DNASE1: variants seen among roughly 807,000 people sequenced by gnomAD.
DNASE1 encodes deoxyribonuclease 1.
DNASE1 carries 40 observed loss-of-function variants against 33.9 expected under a neutral mutation model. The ratio of observed to expected loss-of-function variants is 1.18; its 90% CI spans 0.92 to 1.54. The LOEUF is 1.54. DNASE1 is among the 40% of genes most tolerant of loss of function. The probability of loss-of-function intolerance (pLI) is 0.00; values close to 1 mark genes in which losing one functional copy is unlikely to be tolerated. For missense variants in DNASE1, 518 were observed against 372.6 expected, an observed-to-expected ratio of 1.39 and a Z score of -3.21; for synonymous variants, 216 against 160.0, an observed-to-expected ratio of 1.35 and a Z score of -2.64.
At chr16:3,663,448 C>T (rs2050737739) in exon 10 of DNASE1, 2 of 1,613,432 alleles carry the variant, frequency 1.2e-6, no homozygotes, top group African/African-American at 2.7e-5. Context: ...TCAAACTTCT[C>T]CTCCTTGTAG....
intron 1 of DNASE1, among the ~76,000 whole-genome samples, chr16:3,626,674 G>C (rs759724800): frequency 1.3e-5 from 2 of 152,166 alleles, no homozygotes; most frequent in Non-Finnish European, 2.9e-5. Context: ...TCAGGTTGCT[G>C]ATTTTCTGTC....
At chr16:3,664,139 C>G in exon 10 of DNASE1, 1 of 927,726 alleles carries the variant, frequency 1.1e-6, no homozygotes, top group Non-Finnish European at 1.5e-6. Context: ...GGTCCGGCCT[C>G]TGTGCCCGTG....
chr16:3,633,835 G>A (rs1333297798), intron 1 of DNASE1, among the ~76,000 whole-genome samples: 3 of 151,992 alleles, frequency 2.0e-5, no homozygotes, highest in Non-Finnish European at 4.4e-5. Flanking sequence ...TTAAGACCGA[G>A]TCTCGCTCTG....
At chr16:3,661,807 G>T, downstream of DNASE1, 1 of 707,982 alleles carries the variant, frequency 1.4e-6, no homozygotes, top group Non-Finnish European at 2.1e-6. Context: ...GATGGTAAGG[G>T]GCTGGCCAGG....
At position 3,613,908 on chromosome 16, in the gene DNASE1, A is replaced by ATTTTTTTTTTTTT. The variant is rs200976238; in HGVS notation, c.-1359+1913_-1359+1925dup. ...AGGCGCCCGCAACCGCGCCTGGCTA[A>ATTTTTTTTTTTTT]TTTTTTTTTTTTTTTTTTTTTTTGG... On this transcript the variant is annotated intron_variant and NMD_transcript_variant, in intron 1 of 11. Coordinates refer to the DNASE1 transcript ENST00000570769. Among the ~76,000 whole-genome samples the ATTTTTTTTTTTTT allele has an allele frequency of 2.0e-4, 23 of 113,146 alleles. 1 individual carries two copies. Among genetic ancestry groups the ATTTTTTTTTTTTT allele is most frequent in the African/African-American group, 8.6e-4 (23 of 26,752 alleles). 74.2% of individuals were successfully genotyped at this position (113,146 alleles called of 152,430 possible).
chr16:3,625,026 G>A (rs781005304), intron 1 of DNASE1, among the ~76,000 whole-genome samples: 1 of 152,254 alleles, frequency 6.6e-6, no homozygotes, highest in African/African-American at 2.4e-5. Context: ...CTTAATGGGG[G>A]CCGGGGGCAG....
rs116622592 is a variant in DNASE1 at position 3,616,302 on chromosome 16, G to T, written c.-1359+4296G>T. 4.7e-3 allele frequency among the ~76,000 whole-genome samples: 721 copies of T among 152,274 alleles called. 6 individuals carry two copies. Among genetic ancestry groups the T allele is most frequent in the African/African-American group, 0.016 (664 of 41,546 alleles). ...CCAACAACGTTTTAATTTTTTTGCA[G>T]AAGTGGAAAAACCGATGTTAAAATT... is the stretch of plus-strand genomic sequence containing the variant. On this transcript the variant is annotated intron_variant and NMD_transcript_variant, in intron 1 of 11. Transcript: ENST00000570769.
At chr16:3,636,557 C>G (rs1255873223) in intron 1 of DNASE1, among the ~76,000 whole-genome samples, 1 of 152,146 alleles carries the variant, frequency 6.6e-6, no homozygotes, top group Non-Finnish European at 1.5e-5. Context: ...CATGGTGGCT[C>G]ACGCCTGTAA....
At chr16:3,620,002 G>A (rs559646123) in intron 1 of DNASE1, among the ~76,000 whole-genome samples, 2 of 146,072 alleles carry the variant, frequency 1.4e-5, no homozygotes, top group Admixed American at 7.0e-5. Context: ...TGCAACCCCC[G>A]CCTCCGGGGT....
chr16:3,658,299 C>T, downstream of DNASE1: 2 of 1,249,812 alleles, frequency 1.6e-6, no homozygotes, highest in Admixed American at 3.8e-5. Context: ...TTTTTTGAGA[C>T]AGAGTCTCAC....
Position 3,654,791 on chromosome 16 carries a change from C to T in DNASE1, c.-255C>T, listed in dbSNP as rs988050856. ...ACACAGAGCCATTGTTTTCTGCACT[C>T]TCAGGTGACGGCTCACATTTGCCCC... On this transcript the variant is annotated 5_prime_UTR_variant, in exon 1 of 9. Coordinates refer to ENST00000246949, the MANE Select transcript of DNASE1 (RefSeq NM_005223.4). 2 of 401,680 alleles carry T rather than the reference C, an allele frequency of 5.0e-6. No homozygotes were observed. The highest frequency in any genetic ancestry group is 3.6e-5 in the East Asian group (1 of 28,144). The allele number at this position is 401,680 out of a possible 1,614,324, so 24.9% of individuals were successfully genotyped here. A position where few individuals can be genotyped will look rare whatever the true frequency, so the allele number is the denominator to read the frequency against.
chr16:3,663,273 C>T (rs1301590113), exon 10 of DNASE1: 5 of 1,008,148 alleles, frequency 5.0e-6, no homozygotes, highest in Non-Finnish European at 7.1e-6. Context: ...CACCTTCCTC[C>T]AGTCACCAGG....
chr16:3,629,272 TTA>T (rs1048466401), intron 1 of DNASE1, among the ~76,000 whole-genome samples: 1 of 152,098 alleles, frequency 6.6e-6, no homozygotes, highest in Non-Finnish European at 1.5e-5. Context: ...CCTTGTACGT[TTA>T]GTTTGTTGAA....
rs576436955 is a variant in DNASE1, at chr16:3,645,175, C to T, written c.-86+2139C>T. Among the ~76,000 whole-genome samples the T allele has an allele frequency of 2.6e-5, 4 of 152,246 alleles. No homozygotes were observed. In the East Asian group the frequency reaches 5.8e-4, roughly 22 times the overall value. The stretch of plus-strand genomic sequence containing the variant: ...AAAGTAAAAAGAAAATCCCTTGCAA[C>T]TACCACCACAACCAGCCCACTTTAC... On this transcript the variant is annotated intron_variant, in intron 1 of 9. Transcript: ENST00000407479.
At chr16:3,659,831 C>T (rs1207467524), downstream of DNASE1, 3 of 152,104 alleles carry the variant, frequency 2.0e-5, no homozygotes, top group Non-Finnish European at 4.4e-5. Context: ...TCTTGGCTCA[C>T]CGCAGCCTCC....
chr16:3,659,296 G>C (rs375467428), downstream of DNASE1: 4 of 161,606 alleles, frequency 2.5e-5, no homozygotes, highest in African/African-American at 9.6e-5. Flanking sequence ...TGTCTGATGA[G>C]GACAGTATTT....
chr16:3,631,384 T>C (rs1870669848), intron 1 of DNASE1, among the ~76,000 whole-genome samples: 1 of 152,026 alleles, frequency 6.6e-6, no homozygotes, highest in African/African-American at 2.4e-5. Flanking sequence ...TTTGTATTTT[T>C]AGTAGAGAAA....
chr16:3,649,777 C>T (rs1437740113), upstream of DNASE1, among the ~76,000 whole-genome samples: 2 of 152,064 alleles, frequency 1.3e-5, no homozygotes, highest in Non-Finnish European at 2.9e-5. Flanking sequence ...TCTGCCCCAT[C>T]TGAGTCAAGT....
chr16:3,659,510 T>C (rs1400162987), downstream of DNASE1: 1 of 152,168 alleles, frequency 6.6e-6, no homozygotes. Context: ...ATGATTGACA[T>C]ATTTGACGTC....
Sources: allele counts gnomAD v4.1 joint callset (sites outside exome capture counted in the v4.1 genomes callset), GRCh38; gene constraint gnomAD v4.1.1; transcripts MANE v1.5; gene names NCBI Gene and HGNC (gene_info 2026-07-23, HGNC 2026-07-21).